The following SPOCK3 variants were observed in gnomAD, a reference collection of about 807,000 sequenced individuals.
SPOCK3 encodes the protein SPARC (osteonectin), cwcv and kazal like domains proteoglycan 3.
A neutral mutation model predicts 56.6 loss-of-function variants in SPOCK3; 30 were observed. The ratio of observed to expected loss-of-function variants is 0.53; its 90% CI spans 0.40 to 0.72. The LOEUF (loss-of-function observed/expected upper bound fraction) is 0.72. SPOCK3 is among the 30% of genes least tolerant of loss of function. The pLI is 0.00. For synonymous variants in SPOCK3, 196 were observed against 183.3 expected, an observed-to-expected ratio of 1.07 and a Z score of -0.56; for missense variants, 527 against 530.0, an observed-to-expected ratio of 0.99 and a Z score of 0.06.
At chr4:167,184,002 G>A (rs1367223819) in intron 2 of SPOCK3, among the ~76,000 whole-genome samples, 1 of 152,190 alleles carries the variant, frequency 6.6e-6, no homozygotes, top group Admixed American at 6.5e-5. Context: ...GAGTTACCAA[G>A]ATGCTAATAA....
At chr4:166,862,166 C>G (rs1397595682) in intron 6 of SPOCK3, among the ~76,000 whole-genome samples, 1 of 151,784 alleles carries the variant, frequency 6.6e-6, no homozygotes, top group South Asian at 2.1e-4. Context: ...CAGATTGGAT[C>G]AAAAGACAGA....
intron 7 of SPOCK3, among the ~76,000 whole-genome samples, chr4:166,764,190 A>T (rs550991595): frequency 6.6e-6 from 1 of 151,674 alleles, no homozygotes; most frequent in Non-Finnish European, 1.5e-5. Flanking sequence ...GGGAGAAAAG[A>T]TATCCACTTT....
At chr4:166,890,950 T>C (rs570440353) in intron 5 of SPOCK3, among the ~76,000 whole-genome samples, 1 of 152,038 alleles carries the variant, frequency 6.6e-6, no homozygotes, top group East Asian at 1.9e-4. Flanking sequence ...TATTGGGTAC[T>C]CATATATTTA....
chr4:166,742,154 C>G, intron 8 of SPOCK3, 95 bp from the exon 9 acceptor site: 1 of 860,488 alleles, frequency 1.2e-6, no homozygotes, highest in Non-Finnish European at 1.9e-6. Context: ...CTTTTTGTGC[C>G]TTTGGAAGAC....
intron 4 of SPOCK3, among the ~76,000 whole-genome samples, chr4:166,922,144 G>A (rs1561012419): frequency 6.6e-6 from 1 of 152,132 alleles, no homozygotes; most frequent in African/African-American, 2.4e-5. Context: ...ATCATCTGAG[G>A]TGAAACAGTT....
At chr4:167,011,741 T>A (rs1750090450) in intron 3 of SPOCK3, among the ~76,000 whole-genome samples, 1 of 152,066 alleles carries the variant, frequency 6.6e-6, no homozygotes, top group South Asian at 2.1e-4. Context: ...AATAAATACA[T>A]AAAAGACCTA....
At chr4:166,786,693 A>G (rs949646426) in intron 7 of SPOCK3, among the ~76,000 whole-genome samples, 1 of 152,168 alleles carries the variant, frequency 6.6e-6, no homozygotes, top group African/African-American at 2.4e-5. Flanking sequence ...TCTAAAAACT[A>G]TTGTTTTGTA....
chr4:166,832,144 C>A (rs1022130859), intron 6 of SPOCK3, among the ~76,000 whole-genome samples: 3 of 151,956 alleles, frequency 2.0e-5, no homozygotes, highest in Non-Finnish European at 4.4e-5. Context: ...AGAACTTAGT[C>A]ATCAATTACG....
intron 2 of SPOCK3, among the ~76,000 whole-genome samples, chr4:167,085,214 A>G (rs1758079979): frequency 6.6e-6 from 1 of 151,674 alleles, no homozygotes; most frequent in Non-Finnish European, 1.5e-5. Context: ...AGGAATGACT[A>G]TAGGAATTTG....
chr4:166,788,097 G>C (rs927839941), intron 7 of SPOCK3, among the ~76,000 whole-genome samples: 5 of 152,100 alleles, frequency 3.3e-5, no homozygotes, highest in African/African-American at 1.2e-4. Flanking sequence ...CAGGATAATT[G>C]CTTGAACCCA....
rs538024411 is a variant in SPOCK3 at position 167,049,579 on chromosome 4, A to G, written c.235+12913T>C. Among the ~76,000 whole-genome samples the G allele has an allele frequency of 2.6e-3, 389 of 152,298 alleles. 1 individual carries two copies. Among genetic ancestry groups the G allele is most frequent in the Middle Eastern group, 6.8e-3 (2 of 294 alleles). On this transcript the variant is annotated intron_variant, in intron 3 of 10. Coordinates refer to ENST00000357545, the MANE Select transcript of SPOCK3 (RefSeq NM_001040159.2). Reference sequence around the variant, plus strand: ...TGACCTGAGAAAGGACTTTTAAATAATATTTGGTATAAAATATTCATTAGA... The same window carrying G: ...TGACCTGAGAAAGGACTTTTAAATAGTATTTGGTATAAAATATTCATTAGA...
At chr4:167,205,310 T>G (rs1734006314) in intron 2 of SPOCK3, among the ~76,000 whole-genome samples, 6 of 56,852 alleles carry the variant, frequency 1.1e-4, no homozygotes, top group African/African-American at 1.5e-4. Flanking sequence ...ATATATATTA[T>G]ATATTTTATA....
intron 2 of SPOCK3, among the ~76,000 whole-genome samples, chr4:167,196,083 G>T (rs1298695555): frequency 6.6e-6 from 1 of 152,026 alleles, no homozygotes; most frequent in Non-Finnish European, 1.5e-5. Flanking sequence ...AGAAAAAATT[G>T]TATCATACAG....
chr4:167,071,632 G>GTCTATTACTGATGGACAT (rs368426294), intron 2 of SPOCK3, among the ~76,000 whole-genome samples: 17,225 of 150,938 alleles, frequency 0.11, 1,243 homozygotes, highest in African/African-American at 0.21. Context: ...TCTTAATCCA[G>GTCTATTACTGATGGACAT]TTGGGTTGGT....
intron 3 of SPOCK3, among the ~76,000 whole-genome samples, chr4:167,019,514 A>C (rs1219986986): frequency 6.6e-6 from 1 of 151,646 alleles, no homozygotes; most frequent in African/African-American, 2.4e-5. Context: ...CAATATATAC[A>C]TATATTTCAT....
chr4:167,194,985 A>G (rs1169816794), intron 2 of SPOCK3, among the ~76,000 whole-genome samples: 1 of 152,192 alleles, frequency 6.6e-6, no homozygotes, highest in African/African-American at 2.4e-5. Context: ...AAACTGAGTC[A>G]GGCCTGCTTC....
In SPOCK3 at chr4:166,737,377, C is replaced by G. The variant is rs1019175008; in HGVS notation, c.1132+90G>C. On this transcript the variant is annotated intron_variant, in intron 10 of 10. Transcript: ENST00000357545. ...TCTACAGTCTTTGCATAGAGTAAGT[C>G]CTCATTAAATGCTTGAACAAATGAA... 6 of 1,373,542 alleles carry G rather than the reference C, an allele frequency of 4.4e-6. No individual in the cohort carries two copies. The East Asian group carries it at 1.4e-4, about 32-fold the overall frequency. The allele number at this position is 1,373,542 out of a possible 1,614,324, so 85.1% of individuals were successfully genotyped here. A position where few individuals can be genotyped will look rare whatever the true frequency, so the allele number is the denominator to read the frequency against.
intron 6 of SPOCK3, among the ~76,000 whole-genome samples, chr4:166,852,891 T>C (rs545635115): frequency 9.2e-5 from 14 of 152,180 alleles, no homozygotes; most frequent in Non-Finnish European, 1.9e-4. Context: ...TACATTTTAT[T>C]GCTGGTATTA....
At chr4:167,087,628 G>A (rs1180616659) in intron 2 of SPOCK3, among the ~76,000 whole-genome samples, 2 of 152,086 alleles carry the variant, frequency 1.3e-5, no homozygotes, top group East Asian at 3.9e-4. Context: ...ACTGTTTGAT[G>A]GTGAGTACAT....
Sources: gnomAD v4.1 joint callset for allele counts (sites outside exome capture counted in the v4.1 genomes callset) on GRCh38, gnomAD v4.1.1 for gene constraint, MANE v1.5 for transcripts, NCBI Gene and HGNC (gene_info 2026-07-23, HGNC 2026-07-21) for gene names.